The following SEMA3G variants were observed in gnomAD, a reference collection of about 807,000 sequenced individuals.
SEMA3G encodes semaphorin-3G.
A neutral mutation model predicts 86.2 loss-of-function variants in SEMA3G; 70 were observed. The observed-to-expected ratio is 0.81, with a 90% confidence interval of 0.67 to 0.99. The LOEUF (loss-of-function observed/expected upper bound fraction) is 0.99, where lower values mean the gene tolerates loss of function less well. SEMA3G is among the 50% of genes least tolerant of loss of function. The pLI is 0.00. For synonymous variants in SEMA3G, 416 were observed against 441.4 expected (o/e 0.94, Z 0.72); for missense variants, 1,002 against 1,072.4 (o/e 0.93, Z 0.92).
chr3:52,435,917 G>A lies in SEMA3G; in HGVS notation c.2035C>T (p.Leu679=). The A allele has an allele frequency of 6.2e-7, 1 of 1,614,014 alleles. No individual in the cohort carries two copies. The highest frequency in any genetic ancestry group is 8.5e-7 in the Non-Finnish European group (1 of 1,180,038). Residue 679 remains leucine (L), a synonymous_variant, in exon 16 of 16, where the codon CTG becomes TTG. Coordinates refer to ENST00000231721, the MANE Select transcript of SEMA3G (RefSeq NM_020163.3). ...GGCTCCGGAGGGAACAGGTTGTCCA[G>A]CTGTGAGGCCACAATCACCACCAGA... ...LALVVIVASQ[L]DNLFPPEPKP... is the part of the protein sequence containing the mutation.
chr3:52,440,668 GA>G, intron 9 of SEMA3G, 85 bp downstream of exon 9: 1 of 1,471,068 alleles, frequency 6.8e-7, no homozygotes, highest in Non-Finnish European at 9.3e-7. Flanking sequence ...AAGGCAAAGA[GA>G]GAGTCAGAGA....
In SEMA3G at chr3:52,444,777, C is replaced by T. The variant is rs1196113118; in HGVS notation, c.115+136G>A. On this transcript the variant is annotated intron_variant, in intron 1 of 15. Coordinates refer to ENST00000231721, the MANE Select transcript of SEMA3G (RefSeq NM_020163.3). ...CACAAACTCGGCACACGCACACAAACACTGCACATGCACACAAACACGGCA... is the reference window on the plus strand; with the variant it reads ...CACAAACTCGGCACACGCACACAAATACTGCACATGCACACAAACACGGCA... 4 of 7,648 alleles carry T rather than the reference C, an allele frequency of 5.2e-4. 2 individuals are homozygous for T. Among genetic ancestry groups the T allele is most frequent in the Non-Finnish European group, 6.5e-4 (4 of 6,166 alleles). The allele number at this position is 7,648 out of a possible 1,614,324, so 0.5% of individuals were successfully genotyped here. A position where few individuals can be genotyped will look rare whatever the true frequency, so the allele number is the denominator to read the frequency against.
intron 1 of SEMA3G, among the ~76,000 whole-genome samples, chr3:52,443,893 G>A (rs953221747): frequency 6.6e-6 from 1 of 152,170 alleles, no homozygotes; most frequent in African/African-American, 2.4e-5. Flanking sequence ...GTTTCCTCAG[G>A]AAGGATCTGC....
At position 52,441,060 on chromosome 3, in the gene SEMA3G, G is replaced by A; in HGVS notation, c.814-12C>T. 2 of 1,583,192 alleles carry A rather than the reference G, an allele frequency of 1.3e-6. No homozygotes were observed. Among genetic ancestry groups the A allele is most frequent in the Non-Finnish European group, 8.5e-7 (1 of 1,170,180 alleles). On this transcript the variant is annotated splice_polypyrimidine_tract_variant and intron_variant, in intron 7 of 15. Coordinates refer to ENST00000231721, the MANE Select transcript of SEMA3G (RefSeq NM_020163.3). Reference sequence around the variant, plus strand: ...CCCCCAGCATCATTCTGCAGGATAAGGGGCCAGAGTCACGCTTGGGCCCCA... The same window carrying A: ...CCCCCAGCATCATTCTGCAGGATAAAGGGCCAGAGTCACGCTTGGGCCCCA...
chr3:52,437,670 G>A lies in SEMA3G; in HGVS notation c.1739-4C>T. 1.2e-6 allele frequency: 2 copies of A among 1,607,634 alleles called. No homozygotes were observed. Among genetic ancestry groups the A allele is most frequent in the Non-Finnish European group, 1.7e-6 (2 of 1,175,754 alleles). ...GCCACAAGTCCCACTGCCTCTTCTG[G>A]AGAGAGGCAGAGGTTGGCTCAGCTT... On this transcript the variant is annotated splice_polypyrimidine_tract_variant and splice_region_variant and intron_variant, in intron 14 of 15. Transcript: ENST00000231721.
intron 12 of SEMA3G, among the ~76,000 whole-genome samples, chr3:52,439,404 C>A (rs1706103752): frequency 1.3e-5 from 2 of 152,122 alleles, no homozygotes; most frequent in Admixed American, 1.3e-4. Flanking sequence ...GGTTGCTTCC[C>A]TTGACCATCC....
At position 52,441,767 on chromosome 3, in the gene SEMA3G, A is replaced by G. The variant is rs564316564; in HGVS notation, c.550+52T>C. The G allele has an allele frequency of 3.2e-5, 51 of 1,590,020 alleles. No individual in the cohort carries two copies. The African/African-American group carries it at 5.9e-4, about 18-fold the overall frequency. ...GCCGGGTCCCTCCCTTCCCAGTGAC[A>G]TAGGCCAGCTGCCACCCTCCCTGTT... On this transcript the variant is annotated intron_variant, in intron 5 of 15. Transcript: ENST00000231721.
Position 52,441,375 on chromosome 3 carries a change from C to T in SEMA3G, c.702G>A (p.Glu234=). 7 of 1,613,852 alleles carry T rather than the reference C, an allele frequency of 4.3e-6. No homozygotes were observed. The highest frequency in any genetic ancestry group is 5.9e-6 in the Non-Finnish European group (7 of 1,179,996). ...CCTTGTCATTGTCCTGGTCAGAGTT[C>T]TCAGGGATCCGGGCGGCCATCACAA... The part of the protein sequence containing the change: ...PRFVMAARIP[E]NSDQDNDKVY... Residue 234 remains glutamate (E), a synonymous_variant, in exon 7 of 16, where the codon GAG becomes GAA. Coordinates refer to ENST00000231721, the MANE Select transcript of SEMA3G (RefSeq NM_020163.3).
chr3:52,442,065 C>A lies in SEMA3G; in HGVS notation c.459+120G>T, dbSNP rs1458206187. ...CTCTAATGGGGTCAGCTCCCCAACA[C>A]AAAGGCGCCTTTCAGGCCCCTGCCC... On this transcript the variant is annotated intron_variant, in intron 4 of 15. Coordinates refer to ENST00000231721, the MANE Select transcript of SEMA3G (RefSeq NM_020163.3). The surrounding 1 kb of genome is among the most constrained non-coding windows in gnomAD (Gnocchi z 6.1). 19 of 1,425,006 alleles carry A rather than the reference C, an allele frequency of 1.3e-5. No individual in the cohort carries two copies. Among genetic ancestry groups the A allele is most frequent in the Non-Finnish European group, 1.8e-5 (19 of 1,059,674 alleles). The allele number at this position is 1,425,006 out of a possible 1,614,324, so 88.3% of individuals were successfully genotyped here. A position where few individuals can be genotyped will look rare whatever the true frequency, so the allele number is the denominator to read the frequency against.
intron 1 of SEMA3G, among the ~76,000 whole-genome samples, chr3:52,443,402 C>T (rs1325876000): frequency 6.6e-6 from 1 of 152,168 alleles, no homozygotes; most frequent in Non-Finnish European, 1.5e-5. Flanking sequence ...GGAAGGGCTC[C>T]CACCTCCAGT....
Position 52,438,133 on chromosome 3 carries a change from C to T in SEMA3G, c.1576G>A (p.Gly526Ser), listed in dbSNP as rs771084997. ...AGGCAGCACTCTGCACAGGCAGTGC[C>T]GTAAGTCTCACATTGGTGCAGCCGC... ...QLRLHQCETYGTACAECCLAR... is the reference protein window; with the variant it reads ...QLRLHQCETYSTACAECCLAR... The change falls in exon 14 of 16, where the codon GGC becomes AGC. Residue 526 changes from glycine to serine, a missense_variant. By Grantham distance (56) the Gly-to-Ser change is moderately conservative. Transcript: ENST00000231721. 1.7e-5 allele frequency: 27 copies of T among 1,613,124 alleles called. No homozygotes were observed. Among genetic ancestry groups the T allele is most frequent in the Non-Finnish European group, 2.1e-5 (25 of 1,180,028 alleles).
chr3:52,444,823 A>G (rs1706234770), intron 1 of SEMA3G, 90 bp downstream of exon 1: 3 of 901,694 alleles, frequency 3.3e-6, no homozygotes, highest in Admixed American at 4.3e-5. Flanking sequence ...AACAGGGCAC[A>G]TGCACACAAA....
In SEMA3G at chr3:52,441,837, A is replaced by G; in HGVS notation, c.532T>C (p.Phe178Leu). The change falls in exon 5 of 16, where the codon TTT (phenylalanine) becomes CTT (leucine). Residue 178 changes from phenylalanine to leucine, a missense_variant. By Grantham distance (22) the Phe-to-Leu change is conservative (BLOSUM62 0). Transcript: ENST00000231721. ...CACCCACCTATGAAGGTGCTGGCAAAGGGACGGCTGGGCTCGTGAGGGCAC... is the reference window on the plus strand; with the variant it reads ...CACCCACCTATGAAGGTGCTGGCAAGGGGACGGCTGGGCTCGTGAGGGCAC... The part of the protein sequence containing the change: ...GRCPHEPSRP[F>L]ASTFIDGELY... The G allele has an allele frequency of 6.2e-7, 1 of 1,605,422 alleles. No homozygotes were observed. The highest frequency in any genetic ancestry group is 1.3e-5 in the African/African-American group (1 of 74,990).
Position 52,435,737 on chromosome 3 carries a change from CT to C in SEMA3G, c.2214del (p.Gly739AlafsTer22), listed in dbSNP as rs1706034292. ...RVWCRGTTEC[S>X]GCFRSRSRGK... is the part of the protein sequence containing the mutation. Reference sequence around the variant, plus strand: ...CCCCGGCTCCGGCTCCGGAAGCAGCCTGAGCATTCCGTGGTGCCCCTGCACC... The same window carrying C: ...CCCCGGCTCCGGCTCCGGAAGCAGCCGAGCATTCCGTGGTGCCCCTGCACC... On this transcript the variant is annotated frameshift_variant, in exon 16 of 16. Transcript: ENST00000231721. LOFTEE classifies it high-confidence loss of function. 6.2e-7 allele frequency: 1 copy of C among 1,613,994 alleles called. No homozygotes were observed. The highest frequency in any genetic ancestry group is 8.5e-7 in the Non-Finnish European group (1 of 1,180,022).
At chr3:52,438,988 G>A (rs1204088194) in intron 12 of SEMA3G, 27 bp from the exon 13 acceptor site, 9 of 1,610,314 alleles carry the variant, frequency 5.6e-6, no homozygotes, top group Non-Finnish European at 7.6e-6. Flanking sequence ...GTCTCAGTGT[G>A]GGTCGGGTGG....
chr3:52,440,552 A>G, intron 9 of SEMA3G, 31 bp from the exon 10 acceptor site: 1 of 1,592,548 alleles, frequency 6.3e-7, no homozygotes, highest in Non-Finnish European at 8.5e-7. Flanking sequence ...GTCAGGCCAG[A>G]GTGGCCATCA....
intron 15 of SEMA3G, 112 bp from the exon 16 acceptor site, chr3:52,436,185 C>T: frequency 4.1e-6 from 6 of 1,448,098 alleles, no homozygotes; most frequent in Non-Finnish European, 5.4e-6. Flanking sequence ...GCACTTCTTG[C>T]CCTATTCTCC....
rs1705990140 is a variant in SEMA3G at position 52,433,480 on chromosome 3, T to C, written c.*2123A>G. Reference sequence around the variant, plus strand: ...GTACAGAGAAACCACAAGGCCCATCTCAACACACAAATACAAAAACAACTC... The same window carrying C: ...GTACAGAGAAACCACAAGGCCCATCCCAACACACAAATACAAAAACAACTC... On this transcript the variant is annotated 3_prime_UTR_variant, in exon 16 of 16. Transcript: ENST00000231721. 6.6e-6 allele frequency: 1 copy of C among 152,638 alleles called. No individual in the cohort carries two copies. Among genetic ancestry groups the C allele is most frequent in the South Asian group, 2.1e-4 (1 of 4,832 alleles). 9.5% of individuals were successfully genotyped at this position (152,638 alleles called of 1,614,324 possible). A position where few individuals can be genotyped will look rare whatever the true frequency, so the allele number is the denominator to read the frequency against.
In SEMA3G at chr3:52,435,393, TG is replaced by T. The variant is rs1706026644; in HGVS notation, c.*209del. 1.0e-5 allele frequency: 6 copies of T among 582,892 alleles called. No homozygotes were observed. In the South Asian group the frequency reaches 1.3e-4, roughly 13 times the overall value. 36.1% of individuals were successfully genotyped at this position (582,892 alleles called of 1,614,324 possible). A position where few individuals can be genotyped will look rare whatever the true frequency, so the allele number is the denominator to read the frequency against. On this transcript the variant is annotated 3_prime_UTR_variant, in exon 16 of 16. Coordinates refer to ENST00000231721, the MANE Select transcript of SEMA3G (RefSeq NM_020163.3). ...GCAGCCAGAGGGTGCTGGCTCCAGC[TG>T]GGTCTAAGAGCACAGAGAAGGGCAG...
Sources: gnomAD v4.1 joint callset for allele counts (sites outside exome capture counted in the v4.1 genomes callset) on GRCh38, gnomAD v4.1.1 for gene constraint, Gnocchi (gnomAD v3.1) non-coding constraint, MANE v1.5 for transcripts, NCBI Gene and HGNC (gene_info 2026-07-23, HGNC 2026-07-21) for gene names.